MARCHF8: variants seen among roughly 807,000 people sequenced by gnomAD.
The protein encoded by MARCHF8 is E3 ubiquitin-protein ligase MARCHF8.
MARCHF8 carries 40 observed loss-of-function variants against 51.6 expected under a neutral mutation model. The observed-to-expected ratio is 0.77, with a 90% confidence interval of 0.60 to 1.01. The LOEUF (loss-of-function observed/expected upper bound fraction) is 1.01. Ranked by LOEUF, MARCHF8 falls within the 50% of genes least tolerant of loss-of-function variation. The pLI is 0.00. For missense variants in MARCHF8, 685 were observed against 708.6 expected, an observed-to-expected ratio of 0.97 and a Z score of 0.38; for synonymous variants, 263 against 280.3, an observed-to-expected ratio of 0.94 and a Z score of 0.62.
intron 2 of MARCHF8, among the ~76,000 whole-genome samples, chr10:45,512,756 G>A (rs985110681): frequency 3.9e-5 from 6 of 152,122 alleles, no homozygotes; most frequent in African/African-American, 9.7e-5. Context: ...GGGCCGGGAC[G>A]ACAATGGCGG....
rs181489749 is a variant in MARCHF8 at position 45,505,548 on chromosome 10, C to T, written c.103-16131G>A. Among the ~76,000 whole-genome samples, 20 of 152,308 alleles carry T rather than the reference C, an allele frequency of 1.3e-4. No individual in the cohort carries two copies. The East Asian group carries it at 3.3e-3, about 25-fold the overall frequency. On this transcript the variant is annotated intron_variant, in intron 2 of 7. Coordinates refer to ENST00000453424, the MANE Select transcript of MARCHF8 (RefSeq NM_001282866.2). Reference sequence around the variant, plus strand: ...ACTTCTGTTTCCCAGCAACATTCTACCCCTACTTTTTCCCACAGTGACTGG... The same window carrying T: ...ACTTCTGTTTCCCAGCAACATTCTATCCCTACTTTTTCCCACAGTGACTGG...
At chr10:45,474,667 G>A (rs915110258) in intron 3 of MARCHF8, among the ~76,000 whole-genome samples, 3 of 152,188 alleles carry the variant, frequency 2.0e-5, no homozygotes, top group African/African-American at 4.8e-5. Flanking sequence ...CTACAAAGAA[G>A]AACCAAAATA....
chr10:45,467,282 T>A (rs1019219002), intron 3 of MARCHF8, among the ~76,000 whole-genome samples: 5 of 151,990 alleles, frequency 3.3e-5, no homozygotes, highest in South Asian at 2.1e-4. Flanking sequence ...TAAAGAAAAA[T>A]TTTAAAATCT....
intron 2 of MARCHF8, among the ~76,000 whole-genome samples, chr10:45,523,821 T>A (rs2043748242): frequency 6.6e-6 from 1 of 152,188 alleles, no homozygotes; most frequent in Non-Finnish European, 1.5e-5. Flanking sequence ...TTACCTAGAT[T>A]ATGTACACTC....
In MARCHF8 at chr10:45,463,489, C is replaced by G; in HGVS notation, c.750G>C (p.Glu250Asp). ...GCAGTTGCCGGCTTCGGGACGTGGC[C>G]TCACCATCCGCCTTCTCTTCCAGCA... ...GLLLEEKADG[E>D]ATSRSRQLLQ... Residue 250 changes from glutamate to aspartate, a missense_variant, in exon 5 of 8, where the codon GAG becomes GAC. Glu to Asp is a conservative substitution (Grantham distance 45, BLOSUM62 2). Coordinates refer to ENST00000453424, the MANE Select transcript of MARCHF8 (RefSeq NM_001282866.2). 1 of 1,550,648 alleles carries G rather than the reference C, an allele frequency of 6.4e-7. No homozygotes were observed. Among genetic ancestry groups the G allele is most frequent in the Non-Finnish European group, 8.7e-7 (1 of 1,147,004 alleles).
chr10:45,541,655 A>C (rs1277022811), intron 1 of MARCHF8, among the ~76,000 whole-genome samples: 4 of 152,232 alleles, frequency 2.6e-5, no homozygotes, highest in African/African-American at 9.6e-5. Context: ...AAAATGTAAT[A>C]ATTTGGCTTT....
chr10:45,523,950 T>G (rs2043750197), intron 2 of MARCHF8, among the ~76,000 whole-genome samples: 1 of 152,192 alleles, frequency 6.6e-6, no homozygotes, highest in Admixed American at 6.5e-5. Flanking sequence ...AGTTCTCAAG[T>G]TTTACGTGAG....
intron 1 of MARCHF8, among the ~76,000 whole-genome samples, chr10:45,552,486 G>A (rs9422652): frequency 0.062 from 9,479 of 152,110 alleles, 336 homozygotes; most frequent in Non-Finnish European, 0.067. Flanking sequence ...TAATATAAAC[G>A]TAAATCAGGA....
At chr10:45,560,860 T>G (rs371692109) in intron 1 of MARCHF8, among the ~76,000 whole-genome samples, 1 of 152,212 alleles carries the variant, frequency 6.6e-6, no homozygotes, top group African/African-American at 2.4e-5. Context: ...ATAAACACTT[T>G]ATTCTTAAAG....
chr10:45,509,739 T>C (rs71494801), intron 2 of MARCHF8, among the ~76,000 whole-genome samples: 1,738 of 152,280 alleles, frequency 0.011, 20 homozygotes, highest in Non-Finnish European at 0.014. Context: ...AGCCACTTCC[T>C]GGGAGGCCCA....
chr10:45,509,065 A>C (rs1480803079), intron 2 of MARCHF8, among the ~76,000 whole-genome samples: 3 of 152,164 alleles, frequency 2.0e-5, no homozygotes, highest in Non-Finnish European at 2.9e-5. Flanking sequence ...AGGAATCAGA[A>C]CCCCATGGAA....
intron 2 of MARCHF8, among the ~76,000 whole-genome samples, chr10:45,511,942 C>T (rs1188205424): frequency 8.6e-5 from 13 of 151,256 alleles, no homozygotes; most frequent in South Asian, 2.1e-4. Context: ...TTCCTGGCCG[C>T]CATCCCGTCT....
At chr10:45,576,257 G>A (rs2044488199) in intron 1 of MARCHF8, among the ~76,000 whole-genome samples, 1 of 152,150 alleles carries the variant, frequency 6.6e-6, no homozygotes, top group Non-Finnish European at 1.5e-5. Context: ...GCAATTCAAT[G>A]GGGAATTGCT....
At chr10:45,536,091 G>C (rs1481290407), upstream of MARCHF8, among the ~76,000 whole-genome samples, 3 of 152,122 alleles carry the variant, frequency 2.0e-5, no homozygotes, top group Non-Finnish European at 4.4e-5. Flanking sequence ...AAGGGACTCA[G>C]ATCTGCCAAA....
At chr10:45,589,308 G>A (rs2044652100) in intron 1 of MARCHF8, among the ~76,000 whole-genome samples, 1 of 152,154 alleles carries the variant, frequency 6.6e-6, no homozygotes, top group African/African-American at 2.4e-5. Flanking sequence ...GTATTAAAAG[G>A]ATATGGTTCC....
chr10:45,512,907 G>A (rs1216470892), intron 2 of MARCHF8, among the ~76,000 whole-genome samples: 2 of 151,984 alleles, frequency 1.3e-5, no homozygotes, highest in African/African-American at 2.4e-5. Context: ...TTGGGATCCT[G>A]TTGATCGGTG....
chr10:45,515,907 C>G (rs12766550), intron 2 of MARCHF8, among the ~76,000 whole-genome samples: 8,294 of 152,326 alleles, frequency 0.054, 280 homozygotes, highest in Non-Finnish European at 0.066. Flanking sequence ...TAACTCTGTT[C>G]TCTTCTCCCA....
Position 45,545,694 on chromosome 10 carries a change from T to C in MARCHF8, c.-78-12405A>G, listed in dbSNP as rs1386818988. Among the ~76,000 whole-genome samples, 6 of 152,312 alleles carry C rather than the reference T, an allele frequency of 3.9e-5. No individual in the cohort carries two copies. In the South Asian group the frequency reaches 6.2e-4, roughly 16 times the overall value. On this transcript the variant is annotated intron_variant, in intron 1 of 6. Coordinates refer to the MARCHF8 transcript ENST00000319836. Reference sequence around the variant, plus strand: ...AGTTACAGATAAGAAATTTCAACCTTTGAGTCAAAAACGCAATGCTGGATA... The same window carrying C: ...AGTTACAGATAAGAAATTTCAACCTCTGAGTCAAAAACGCAATGCTGGATA...
intron 1 of MARCHF8, among the ~76,000 whole-genome samples, chr10:45,550,192 T>C (rs2044179055): frequency 6.6e-6 from 1 of 152,358 alleles, no homozygotes; most frequent in South Asian, 2.1e-4. Flanking sequence ...AAGCTAATTA[T>C]GATCTTTATA....
Sources: gnomAD v4.1 joint callset for allele counts (sites outside exome capture counted in the v4.1 genomes callset) on GRCh38, gnomAD v4.1.1 for gene constraint, MANE v1.5 for transcripts, NCBI Gene and HGNC (gene_info 2026-07-23, HGNC 2026-07-21) for gene names.